Variants in GON4L observed in about 807,000 individuals in gnomAD.
The protein encoded by GON4L is GON-4-like protein.
GON4L carries 87 observed loss-of-function variants against 211.8 expected under a neutral mutation model. The observed-to-expected ratio is 0.41, with a 90% CI of 0.35 to 0.49. The LOEUF (loss-of-function observed/expected upper bound fraction) is 0.49, where lower values mean the gene tolerates loss of function less well. Among genes scored for constraint, GON4L ranks in the 20% least tolerant of loss-of-function variants. The probability of loss-of-function intolerance (pLI) is 0.15; values close to 1 mark genes in which losing one functional copy is unlikely to be tolerated. For synonymous variants in GON4L, 875 were observed against 962.6 expected (o/e 0.91, Z 1.68); for missense variants, 2,155 against 2,659.5 (o/e 0.81, Z 4.17).
intron 2 of GON4L, among the ~76,000 whole-genome samples, chr1:155,848,075 T>A (rs1008193870): frequency 6.6e-6 from 1 of 150,878 alleles, no homozygotes; most frequent in Non-Finnish European, 1.5e-5. Context: ...ATTTAGTATA[T>A]AATCAAGGAA....
Position 155,800,767 on chromosome 1 carries a change from G to A in GON4L, c.1645+4182C>T, listed in dbSNP as rs111511552. 5.6e-3 allele frequency among the ~76,000 whole-genome samples: 842 copies of A among 150,452 alleles called. 8 individuals are homozygous for A. The highest frequency in any genetic ancestry group is 0.019 in the African/African-American group (796 of 40,850). On this transcript the variant is annotated intron_variant, in intron 11 of 31. Coordinates refer to ENST00000368331, the MANE Select transcript of GON4L (RefSeq NM_001282860.2). Reference sequence around the variant, plus strand: ...CTCTGGAGGCTGAGGCAGAAGAGTCGCTTGAACCCGGGTGGAGGTTGCAGT... The same window carrying A: ...CTCTGGAGGCTGAGGCAGAAGAGTCACTTGAACCCGGGTGGAGGTTGCAGT...
downstream of GON4L, chr1:155,748,223 C>T (rs1458003964): frequency 6.1e-5 from 84 of 1,379,732 alleles, no homozygotes; most frequent in Non-Finnish European, 8.2e-5. Flanking sequence ...TTCCTGAGGC[C>T]CGAGCTTGAA....
chr1:155,822,202 G>A (rs1668797365), intron 4 of GON4L, 84 bp downstream of exon 4: 4 of 1,101,494 alleles, frequency 3.6e-6, no homozygotes. Context: ...CACGTATCAA[G>A]AGTCAAGAAT....
At chr1:155,822,204 G>T in intron 4 of GON4L, 82 bp downstream of exon 4, 1 of 1,151,066 alleles carries the variant, frequency 8.7e-7, no homozygotes, top group Non-Finnish European at 1.3e-6. Context: ...CGTATCAAGA[G>T]TCAAGAATTT....
chr1:155,770,005 TA>T (rs1207830114), intron 19 of GON4L, among the ~76,000 whole-genome samples: 1 of 113,232 alleles, frequency 8.8e-6, no homozygotes, highest in Non-Finnish European at 1.7e-5. Context: ...CTGGGCAATA[TA>T]GGGACACTCC....
chr1:155,851,904 C>T (rs1671830942), intron 2 of GON4L, among the ~76,000 whole-genome samples: 1 of 152,066 alleles, frequency 6.6e-6, no homozygotes, highest in African/African-American at 2.4e-5. Context: ...GTGGCTCACG[C>T]CTGTAATCCC....
chr1:155,763,665 G>A, intron 21 of GON4L, 101 bp from the exon 22 acceptor site: 3 of 1,047,478 alleles, frequency 2.9e-6, no homozygotes, highest in Non-Finnish European at 4.1e-6. Flanking sequence ...AAACAATGGG[G>A]AGCCCACTAC....
chr1:155,767,861 A>G (rs950479933), intron 19 of GON4L, among the ~76,000 whole-genome samples: 1 of 152,202 alleles, frequency 6.6e-6, no homozygotes, highest in Admixed American at 6.5e-5. Flanking sequence ...GCTCAGAGCA[A>G]TCTTATGTAA....
At position 155,765,599 on chromosome 1, in the gene GON4L, C is replaced by CGGT. The variant is rs767810757; in HGVS notation, c.3871_3873dup (p.Thr1291dup). 180 of 1,614,044 alleles carry CGGT rather than the reference C, an allele frequency of 1.1e-4. No individual in the cohort carries two copies. The highest frequency in any genetic ancestry group is 1.6e-4 in the Middle Eastern group (1 of 6,084). On this transcript the variant is annotated inframe_insertion, in exon 21 of 32. Transcript: ENST00000368331. ...TGCCTCCCCTCCTCTGTTTTCACAA[C>CGGT]GGTCCAGCGACAGGCACTATTCTCT...
Position 155,822,205 on chromosome 1 carries a change from T to C in GON4L, c.888+81A>G. 2.6e-6 allele frequency: 3 copies of C among 1,159,090 alleles called. No homozygotes were observed. In the Admixed American group the frequency reaches 5.1e-5, roughly 20 times the overall value. The allele number at this position is 1,159,090 out of a possible 1,614,324, so 71.8% of individuals were successfully genotyped here. On this transcript the variant is annotated intron_variant, in intron 4 of 31. Coordinates refer to ENST00000368331, the MANE Select transcript of GON4L (RefSeq NM_001282860.2). ...AAATCGGTAATTCACGTATCAAGAGTCAAGAATTTGCTGAACATTTTTATA... is the reference window on the plus strand; with the variant it reads ...AAATCGGTAATTCACGTATCAAGAGCCAAGAATTTGCTGAACATTTTTATA...
intron 2 of GON4L, among the ~76,000 whole-genome samples, chr1:155,832,307 GA>G (rs1189484587): frequency 2.0e-4 from 27 of 132,788 alleles, no homozygotes; most frequent in Middle Eastern, 4.3e-3. Context: ...AAAAAAGAAA[GA>G]AAAAAAAAGA....
intron 1 of GON4L, among the ~76,000 whole-genome samples, chr1:155,854,777 C>G (rs1018673678): frequency 6.6e-6 from 1 of 152,054 alleles, no homozygotes; most frequent in Non-Finnish European, 1.5e-5. Context: ...GGCTCACGTC[C>G]GTAATCCCAA....
At position 155,751,716 on chromosome 1, in the gene GON4L, T is replaced by C. The variant is rs199974551; in HGVS notation, c.6576+51A>G. On this transcript the variant is annotated intron_variant, in intron 31 of 31. Transcript: ENST00000368331. ...CTTCTTTGGCCTTTCTGTCTGTTAG[T>C]TGGCCACCTTGACCTCTTTTTGCCA... 3.1e-4 allele frequency: 367 copies of C among 1,196,300 alleles called. 2 individuals are homozygous for C. Among genetic ancestry groups the C allele is most frequent in the South Asian group, 1.1e-3 (87 of 79,252 alleles). 74.1% of individuals were successfully genotyped at this position (1,196,300 alleles called of 1,614,324 possible). A position where few individuals can be genotyped will look rare whatever the true frequency, so the allele number is the denominator to read the frequency against.
intron 2 of GON4L, among the ~76,000 whole-genome samples, chr1:155,831,248 G>A (rs576225778): frequency 2.0e-5 from 3 of 152,150 alleles, no homozygotes; most frequent in South Asian, 4.1e-4. Flanking sequence ...GCAGTGAGCC[G>A]TAATTGCACT....
intron 10 of GON4L, among the ~76,000 whole-genome samples, chr1:155,812,878 A>C (rs1667918874): frequency 1.3e-5 from 2 of 152,084 alleles, no homozygotes; most frequent in Non-Finnish European, 2.9e-5. Context: ...TTTGATTAAC[A>C]CTATTATACT....
chr1:155,781,438 G>A (rs1346115147), intron 14 of GON4L, among the ~76,000 whole-genome samples: 1 of 126,106 alleles, frequency 7.9e-6, no homozygotes, highest in African/African-American at 2.9e-5. Context: ...CAGCCACCAC[G>A]CCTGATCTAT....
intron 2 of GON4L, among the ~76,000 whole-genome samples, chr1:155,839,110 T>C (rs1670561129): frequency 6.6e-6 from 1 of 152,160 alleles, no homozygotes; most frequent in Admixed American, 6.6e-5. Flanking sequence ...TCAAAAGTTA[T>C]CTAAAGGTTG....
rs1661259766 is a variant in GON4L at position 155,756,997 on chromosome 1, G to A, written c.5478C>T (p.Asn1826=). 6.2e-7 allele frequency: 1 copy of A among 1,613,546 alleles called. No individual in the cohort carries two copies. The highest frequency in any genetic ancestry group is 1.3e-5 in the African/African-American group (1 of 74,970). ...GGACCCCGATCTCTTTTTTCCTCTTGTTCTTTGAGGCTGTGGGTATCTTGG... is the reference window on the plus strand; with the variant it reads ...GGACCCCGATCTCTTTTTTCCTCTTATTCTTTGAGGCTGTGGGTATCTTGG... ...EPPKIPTASK[N]KRKKEIGVQN... The change falls in exon 27 of 32, where the codon AAC becomes AAT. Residue 1826 remains asparagine, a synonymous_variant. Coordinates refer to ENST00000368331, the MANE Select transcript of GON4L (RefSeq NM_001282860.2).
At chr1:155,825,651 CTT>C (rs1363439937) in intron 3 of GON4L, among the ~76,000 whole-genome samples, 1 of 151,914 alleles carries the variant, frequency 6.6e-6, no homozygotes, top group Non-Finnish European at 1.5e-5. Flanking sequence ...CATCCCAACA[CTT>C]TGGGAGGCTG....
Sources: allele counts gnomAD v4.1 joint callset (sites outside exome capture counted in the v4.1 genomes callset), GRCh38; gene constraint gnomAD v4.1.1; transcripts MANE v1.5; gene names NCBI Gene and HGNC (gene_info 2026-07-23, HGNC 2026-07-21).